EEFSEC: variants seen among roughly 807,000 people sequenced by gnomAD.
EEFSEC encodes selenocysteine-specific elongation factor.
A neutral mutation model predicts 42.1 loss-of-function variants in EEFSEC; 43 were observed. That is an observed-to-expected ratio of 1.02 (90% CI 0.80 to 1.32). The LOEUF (loss-of-function observed/expected upper bound fraction) is 1.32. Among genes scored for constraint, EEFSEC ranks in the 40% most tolerant of loss-of-function variants. The pLI is 0.00. For synonymous variants in EEFSEC, 354 were observed against 339.1 expected (o/e 1.04, Z -0.48); for missense variants, 745 against 803.6 (o/e 0.93, Z 0.88).
chr3:128,403,766 G>A (rs374958481), intron 6 of EEFSEC, among the ~76,000 whole-genome samples: 5 of 152,248 alleles, frequency 3.3e-5, no homozygotes, highest in South Asian at 4.2e-4. Flanking sequence ...GCTGGTCCCC[G>A]TCATCTGGCC....
intron 1 of EEFSEC, 43 bp from the exon 2 acceptor site, chr3:128,246,793 A>C: frequency 6.2e-7 from 1 of 1,605,710 alleles, no homozygotes; most frequent in Non-Finnish European, 8.5e-7. Context: ...TGTGGGGCTC[A>C]CCACCCCTTT....
chr3:128,243,689 G>A (rs1029064582), intron 1 of EEFSEC, among the ~76,000 whole-genome samples: 13 of 152,182 alleles, frequency 8.5e-5, no homozygotes, highest in Non-Finnish European at 1.9e-4. Context: ...GGGCAAAGCA[G>A]GAGCAGGGGC....
chr3:128,366,100 TG>T, intron 6 of EEFSEC, among the ~76,000 whole-genome samples: 1 of 152,356 alleles, frequency 6.6e-6, no homozygotes, highest in African/African-American at 2.4e-5. Flanking sequence ...GCTAGAAATA[TG>T]GGTCATTTAG....
At chr3:128,278,230 C>G (rs2066489077) in intron 4 of EEFSEC, among the ~76,000 whole-genome samples, 1 of 152,166 alleles carries the variant, frequency 6.6e-6, no homozygotes, top group African/African-American at 2.4e-5. Flanking sequence ...TGCCATAGTC[C>G]AGGCAGATTG....
Position 128,350,630 on chromosome 3 carries a change from G to A in EEFSEC, c.1444-7587G>A, listed in dbSNP as rs142724756. On this transcript the variant is annotated intron_variant, in intron 5 of 6. Transcript: ENST00000254730. Reference sequence around the variant, plus strand: ...AAGTGTCTTGCTTGGCTGCTGGAGTGCTTGTTCACCTTCCTTTGAAAATTG... The same window carrying A: ...AAGTGTCTTGCTTGGCTGCTGGAGTACTTGTTCACCTTCCTTTGAAAATTG... Among the ~76,000 whole-genome samples the A allele has an allele frequency of 3.4e-4, 52 of 152,350 alleles. No individual in the cohort carries two copies. The East Asian group carries it at 9.8e-3, about 29-fold the overall frequency.
At chr3:128,157,814 C>CA (rs930528243) in intron 1 of EEFSEC, among the ~76,000 whole-genome samples, 4 of 152,210 alleles carry the variant, frequency 2.6e-5, no homozygotes, top group African/African-American at 9.7e-5. Flanking sequence ...GCTAACACAG[C>CA]ATCCATTCTG....
In EEFSEC at chr3:128,246,956, A is replaced by G. The variant is rs2066135129; in HGVS notation, c.437A>G (p.Asn146Ser). 1 of 1,614,218 alleles carries G rather than the reference A, an allele frequency of 6.2e-7. No homozygotes were observed. Among genetic ancestry groups the G allele is most frequent in the Non-Finnish European group, 8.5e-7 (1 of 1,180,040 alleles). Residue 146 changes from asparagine to serine, a missense_variant, in exon 2 of 7, where the codon AAC (asparagine) becomes AGC (serine). By Grantham distance (46) the Asn-to-Ser change is conservative. Coordinates refer to ENST00000254730, the MANE Select transcript of EEFSEC (RefSeq NM_021937.5). ...IACQKLVVVL[N>S]KIDLLPEGKR... is the part of the protein sequence containing the mutation. ...TGCCAGAAGCTGGTCGTGGTGCTGA[A>G]CAAAATAGACCTCTTACCTGAAGGA...
At chr3:128,349,654 G>A (rs2067359588) in intron 5 of EEFSEC, among the ~76,000 whole-genome samples, 1 of 152,128 alleles carries the variant, frequency 6.6e-6, no homozygotes, top group African/African-American at 2.4e-5. Context: ...AGCCCTCTTT[G>A]CCCCTGGCAG....
Position 128,177,284 on chromosome 3 carries a change from G to C in EEFSEC, c.316+23461G>C, listed in dbSNP as rs1406166653. Among the ~76,000 whole-genome samples the C allele has an allele frequency of 2.6e-5, 4 of 152,178 alleles. No individual in the cohort carries two copies. In the East Asian group the frequency reaches 7.7e-4, roughly 29 times the overall value. ...TAATAGCTTAATATTTTTAGGGTCT[G>C]AGCCAGGCCTATGTGTTGGCCTGGG... On this transcript the variant is annotated intron_variant, in intron 1 of 6. Coordinates refer to ENST00000254730, the MANE Select transcript of EEFSEC (RefSeq NM_021937.5).
chr3:128,412,989 A>T (rs1576716212), downstream of EEFSEC, among the ~76,000 whole-genome samples: 1 of 152,050 alleles, frequency 6.6e-6, no homozygotes, highest in East Asian at 1.9e-4. Context: ...AGGCAGGGGG[A>T]TGGGGCATGG....
the EEFSEC span, among the ~76,000 whole-genome samples, chr3:128,420,767 T>A: frequency 6.6e-6 from 1 of 152,160 alleles, no homozygotes; most frequent in Admixed American, 6.5e-5. Context: ...GGCCCCCTGC[T>A]CCTGCCACCC....
chr3:128,245,081 C>T lies in EEFSEC; in HGVS notation c.317-1755C>T, dbSNP rs563379641. 4.6e-5 allele frequency among the ~76,000 whole-genome samples: 7 copies of T among 152,304 alleles called. No homozygotes were observed. The East Asian group carries it at 1.2e-3, about 25-fold the overall frequency. On this transcript the variant is annotated intron_variant, in intron 1 of 6. Coordinates refer to ENST00000254730, the MANE Select transcript of EEFSEC (RefSeq NM_021937.5). ...TGCAGAGGTTATACCAGTTAACCCCCGACCCCCGCTCCTGCCCAGCAGTAT... is the reference window on the plus strand; with the variant it reads ...TGCAGAGGTTATACCAGTTAACCCCTGACCCCCGCTCCTGCCCAGCAGTAT...
intron 4 of EEFSEC, among the ~76,000 whole-genome samples, chr3:128,312,501 C>A (rs1455689508): frequency 6.6e-6 from 1 of 152,228 alleles, no homozygotes; most frequent in Non-Finnish European, 1.5e-5. Flanking sequence ...GGTGTGGGCA[C>A]CCACCGGGGT....
intron 4 of EEFSEC, among the ~76,000 whole-genome samples, chr3:128,329,483 A>G (rs1011988584): frequency 1.1e-4 from 16 of 152,318 alleles, no homozygotes; most frequent in East Asian, 7.7e-4. Flanking sequence ...CTACATAGCA[A>G]GTATCGGAGA....
At chr3:128,177,292 C>T (rs1329784769) in intron 1 of EEFSEC, among the ~76,000 whole-genome samples, 1 of 151,908 alleles carries the variant, frequency 6.6e-6, no homozygotes, top group Non-Finnish European at 1.5e-5. Context: ...CTGAGCCAGG[C>T]CTATGTGTTG....
At chr3:128,222,719 A>G (rs1316996763) in intron 1 of EEFSEC, among the ~76,000 whole-genome samples, 1 of 152,258 alleles carries the variant, frequency 6.6e-6, no homozygotes, top group African/African-American at 2.4e-5. Context: ...AGAGCAGATT[A>G]CCAAAAATGA....
chr3:128,390,159 T>TC (rs1356217476), intron 6 of EEFSEC, among the ~76,000 whole-genome samples: 1 of 152,264 alleles, frequency 6.6e-6, no homozygotes, highest in African/African-American at 2.4e-5. Flanking sequence ...CTCCTGGATA[T>TC]AATTTACATT....
chr3:128,318,746 A>G (rs905097679), intron 4 of EEFSEC, among the ~76,000 whole-genome samples: 2 of 152,240 alleles, frequency 1.3e-5, no homozygotes, highest in African/African-American at 2.4e-5. Flanking sequence ...TGTCACAGAC[A>G]GTATCCCACT....
chr3:128,404,696 G>T (rs2068089348), intron 6 of EEFSEC, among the ~76,000 whole-genome samples: 1 of 152,234 alleles, frequency 6.6e-6, no homozygotes. Context: ...CCAAGCGGGG[G>T]GCAGACCACC....
Sources: gnomAD v4.1 joint callset for allele counts (sites outside exome capture counted in the v4.1 genomes callset) on GRCh38, gnomAD v4.1.1 for gene constraint, MANE v1.5 for transcripts, NCBI Gene and HGNC (gene_info 2026-07-23, HGNC 2026-07-21) for gene names.